ABHD18: variants seen among roughly 807,000 people sequenced by gnomAD.
ABHD18 encodes cardiolipin-specific deacylase, mitochondrial.
ABHD18 carries 55 observed loss-of-function variants against 65.9 expected under a neutral mutation model. The observed-to-expected ratio is 0.84, with a 90% CI of 0.67 to 1.05. ABHD18 has a LOEUF of 1.05. Ranked by LOEUF, ABHD18 falls within the 50% of genes least tolerant of loss-of-function variation. The pLI, the probability that ABHD18 is intolerant of heterozygous loss-of-function variation, is 0.00. For synonymous variants in ABHD18, 181 were observed against 180.2 expected (o/e 1.00, Z -0.04); for missense variants, 533 against 558.5 (o/e 0.95, Z 0.46).
chr4:128,011,503 A>T (rs1754568963), intron 6 of ABHD18, among the ~76,000 whole-genome samples, 170 bp from the exon 7 acceptor site: 2 of 151,612 alleles, frequency 1.3e-5, no homozygotes, highest in Admixed American at 6.6e-5. Context: ...TTTAAAAAAA[A>T]GGAAAATAAT....
intron 10 of ABHD18, among the ~76,000 whole-genome samples, chr4:128,025,609 T>C (rs1157867548): frequency 6.6e-6 from 1 of 152,230 alleles, no homozygotes; most frequent in Non-Finnish European, 1.5e-5. Context: ...TGAGTAACTT[T>C]GTACATTCAT....
chr4:128,029,144 G>A (rs1265043328), intron 11 of ABHD18, among the ~76,000 whole-genome samples: 2 of 151,878 alleles, frequency 1.3e-5, no homozygotes, highest in East Asian at 1.9e-4. Context: ...TTGAGCCCAG[G>A]AGTTCAAGAC....
In ABHD18 at chr4:128,028,496, C is replaced by T. The variant is rs190125887; in HGVS notation, c.823C>T (p.Gln275Ter). The T allele has an allele frequency of 8.5e-4, 1,332 of 1,572,440 alleles. No individual in the cohort carries two copies. Among genetic ancestry groups the T allele is most frequent in the Non-Finnish European group, 1.1e-3 (1,287 of 1,162,518 alleles). Residue 275 changes from glutamine to a stop codon, truncating the protein, a stop_gained, in exon 11 of 13, where the codon CAA (glutamine) becomes TAA (stop). Transcript: ENST00000645843. LOFTEE classifies it high-confidence loss of function. The part of the protein sequence containing the change: ...YCGTDSFKMG[Q>*]EFVKHFTSSA... ...TCAGACAGATTCTTTCAAAATGGGA[C>T]AAGAGTTTGTGAAACACTTCACTAG... is the stretch of plus-strand genomic sequence containing the variant.
At chr4:127,975,891 T>G (rs1579137852) in intron 1 of ABHD18, among the ~76,000 whole-genome samples, 2 of 152,318 alleles carry the variant, frequency 1.3e-5, no homozygotes, top group East Asian at 3.9e-4. Context: ...AGTGGTACAG[T>G]CTCGGCTCAC....
intron 1 of ABHD18, among the ~76,000 whole-genome samples, chr4:127,973,390 T>C (rs976832834): frequency 5.3e-5 from 8 of 152,078 alleles, no homozygotes; most frequent in Non-Finnish European, 7.4e-5. Flanking sequence ...GGTTTTTTTT[T>C]CCCCCTTACT....
intron 3 of ABHD18, 64 bp from the exon 4 acceptor site, chr4:127,989,657 C>A: frequency 9.3e-7 from 1 of 1,070,000 alleles, no homozygotes; most frequent in Non-Finnish European, 1.3e-6. Context: ...ATTAGAAGAA[C>A]ATCCATGACA....
intron 12 of ABHD18, among the ~76,000 whole-genome samples, chr4:128,033,729 G>T (rs2149200784): frequency 6.6e-6 from 1 of 151,218 alleles, no homozygotes; most frequent in Non-Finnish European, 1.5e-5. Flanking sequence ...GTAGAGACGG[G>T]GTTTCACCAT....
intron 1 of ABHD18, among the ~76,000 whole-genome samples, chr4:127,966,648 G>C (rs1200677070): frequency 7.2e-6 from 1 of 139,046 alleles, no homozygotes; most frequent in Non-Finnish European, 1.5e-5. Flanking sequence ...CACGAGGTCA[G>C]GAGATCGAGA....
chr4:128,022,479 T>G (rs1234325445), intron 10 of ABHD18, among the ~76,000 whole-genome samples: 1 of 152,208 alleles, frequency 6.6e-6, no homozygotes, highest in African/African-American at 2.4e-5. Context: ...CAAGGCTATA[T>G]AGGAAACACA....
intron 4 of ABHD18, among the ~76,000 whole-genome samples, chr4:128,006,522 A>G (rs908726646): frequency 1.8e-4 from 28 of 152,194 alleles, no homozygotes; most frequent in African/African-American, 6.8e-4. Flanking sequence ...TTGACAGTGG[A>G]TAAGGGGTAA....
At chr4:127,970,135 A>G (rs1579098719) in intron 1 of ABHD18, among the ~76,000 whole-genome samples, 1 of 151,800 alleles carries the variant, frequency 6.6e-6, no homozygotes, top group African/African-American at 2.4e-5. Flanking sequence ...CTCCCTCCTC[A>G]GCGTCCCAAA....
intron 11 of ABHD18, among the ~76,000 whole-genome samples, chr4:128,030,113 C>T (rs1332745683): frequency 6.6e-6 from 1 of 152,066 alleles, no homozygotes; most frequent in Non-Finnish European, 1.5e-5. Flanking sequence ...TATGATCTTG[C>T]CAATGAATAG....
chr4:128,018,152 C>T (rs989956931), intron 8 of ABHD18, among the ~76,000 whole-genome samples: 2 of 152,180 alleles, frequency 1.3e-5, no homozygotes, highest in Non-Finnish European at 2.9e-5. Flanking sequence ...CCCAGCCTTA[C>T]CTCCAGACTA....
intron 12 of ABHD18, among the ~76,000 whole-genome samples, chr4:128,032,321 T>G (rs1403741432): frequency 1.3e-5 from 2 of 152,184 alleles, no homozygotes; most frequent in African/African-American, 4.8e-5. Context: ...ACTTCAAAAC[T>G]TAACAGAGGT....
At chr4:128,004,562 C>T (rs1753266422) in intron 4 of ABHD18, among the ~76,000 whole-genome samples, 1 of 152,172 alleles carries the variant, frequency 6.6e-6, no homozygotes, top group South Asian at 2.1e-4. Context: ...AAACTTTAAA[C>T]TCATCTTAGT....
chr4:128,028,522 C>T lies in ABHD18; in HGVS notation c.849C>T (p.Ser283=), dbSNP rs1294223803. The change falls in exon 11 of 13, where the codon AGC becomes AGT. Residue 283 remains serine (S), a synonymous_variant. Transcript: ENST00000645843. ...MGQEFVKHFT[S]SADKLTNLNL... is the part of the protein sequence containing the mutation. ...AAGAGTTTGTGAAACACTTCACTAGCAGTGCAGACAAGCTAACTAACCTTA... is the reference window on the plus strand; with the variant it reads ...AAGAGTTTGTGAAACACTTCACTAGTAGTGCAGACAAGCTAACTAACCTTA... 1 of 1,602,160 alleles carries T rather than the reference C, an allele frequency of 6.2e-7. No homozygotes were observed. The highest frequency in any genetic ancestry group is 8.5e-7 in the Non-Finnish European group (1 of 1,175,002).
At position 128,039,265 on chromosome 4, in the gene ABHD18, G is replaced by A. The variant is rs1412246083; in HGVS notation, c.*3452G>A. On this transcript the variant is annotated 3_prime_UTR_variant, in exon 13 of 13. Transcript: ENST00000645843. ...ACATAAAATATTAGAAATTCATTTA[G>A]ACCAGATCTGTAAACTGGTAGTTCA... 6.7e-6 allele frequency: 1 copy of A among 149,624 alleles called. No individual in the cohort carries two copies. The highest frequency in any genetic ancestry group is 1.5e-5 in the Non-Finnish European group (1 of 67,644). The allele number at this position is 149,624 out of a possible 1,614,324, so 9.3% of individuals were successfully genotyped here. A position where few individuals can be genotyped will look rare whatever the true frequency, so the allele number is the denominator to read the frequency against.
intron 4 of ABHD18, among the ~76,000 whole-genome samples, chr4:127,994,456 G>A (rs754442574): frequency 3.3e-5 from 5 of 152,142 alleles, no homozygotes; most frequent in South Asian, 2.1e-4. Flanking sequence ...GCATGATGGC[G>A]GGTGCCTGTA....
chr4:128,009,085 A>G lies in ABHD18; in HGVS notation c.358-22A>G, dbSNP rs144765403. ...AAGTGGCTACTATATTCTTTTGAGT[A>G]TGTGTTCTTTTCTTTCCTTAGCATT... On this transcript the variant is annotated intron_variant, in intron 5 of 12. Transcript: ENST00000645843. 1,269 of 1,585,834 alleles carry G rather than the reference A, an allele frequency of 8.0e-4. 16 individuals carry two copies. The African/African-American group carries it at 0.015, about 19-fold the overall frequency.
Sources: gnomAD v4.1 joint callset for allele counts (sites outside exome capture counted in the v4.1 genomes callset) on GRCh38, gnomAD v4.1.1 for gene constraint, MANE v1.5 for transcripts, NCBI Gene and HGNC (gene_info 2026-07-23, HGNC 2026-07-21) for gene names.